Variants in NUP98 observed in about 807,000 individuals in gnomAD.
NUP98 encodes the protein nuclear pore complex protein Nup98-Nup96.
Under a neutral mutation model 191.9 loss-of-function variants are expected in NUP98, and 26 were observed. That is an observed-to-expected ratio of 0.14 (90% CI 0.10 to 0.19). The LOEUF (loss-of-function observed/expected upper bound fraction) is 0.19, where lower values mean the gene tolerates loss of function less well. Among genes scored for constraint, NUP98 ranks in the 10% least tolerant of loss-of-function variants. The pLI, the probability that NUP98 is intolerant of heterozygous loss-of-function variation, is 1.00. For synonymous variants in NUP98, 808 were observed against 778.4 expected, an observed-to-expected ratio of 1.04 and a Z score of -0.63; for missense variants, 1,941 against 2,178.8, an observed-to-expected ratio of 0.89 and a Z score of 2.17.
intron 12 of NUP98, among the ~76,000 whole-genome samples, chr11:3,738,147 C>T (rs2080145503): frequency 6.8e-6 from 1 of 146,370 alleles, no homozygotes; most frequent in Non-Finnish European, 1.5e-5. Context: ...CAAGAAAGTG[C>T]ATGAGCATGA....
At chr11:3,738,438 C>A (rs1218570025) in intron 12 of NUP98, among the ~76,000 whole-genome samples, 1 of 152,124 alleles carries the variant, frequency 6.6e-6, no homozygotes, top group Non-Finnish European at 1.5e-5. Flanking sequence ...TGATGAAACA[C>A]AAGAATCTGA....
At chr11:3,794,013 A>G (rs547903085) in intron 1 of NUP98, among the ~76,000 whole-genome samples, 1 of 152,302 alleles carries the variant, frequency 6.6e-6, no homozygotes, top group African/African-American at 2.4e-5. Context: ...TATTTTCACT[A>G]AAGTAGTAGT....
intron 4 of NUP98, among the ~76,000 whole-genome samples, chr11:3,776,889 C>A (rs566216101): frequency 1.3e-5 from 2 of 152,208 alleles, no homozygotes; most frequent in East Asian, 1.9e-4. Context: ...GTCCATAAAG[C>A]CCTAAGGTCA....
chr11:3,761,453 C>T (rs992706978), intron 9 of NUP98, among the ~76,000 whole-genome samples: 1 of 152,024 alleles, frequency 6.6e-6, no homozygotes, highest in Non-Finnish European at 1.5e-5. Flanking sequence ...AAAATCCCAC[C>T]TCTACTAAAA....
chr11:3,793,632 C>T lies in NUP98; in HGVS notation c.-29+3768G>A, dbSNP rs115137308. On this transcript the variant is annotated intron_variant, in intron 1 of 32. Coordinates refer to ENST00000324932, the MANE Select transcript of NUP98 (RefSeq NM_016320.5). ...ATTTTTCTTTCCTTACTAAAAAAAACTGCAAGTATTTCCCATTACACTGAA... is the reference window on the plus strand; with the variant it reads ...ATTTTTCTTTCCTTACTAAAAAAAATTGCAAGTATTTCCCATTACACTGAA... Among the ~76,000 whole-genome samples the T allele has an allele frequency of 4.0e-3, 611 of 151,808 alleles. 1 individual carries two copies. The highest frequency in any genetic ancestry group is 0.014 in the African/African-American group (585 of 41,426).
chr11:3,789,376 C>T (rs887663077), intron 1 of NUP98, among the ~76,000 whole-genome samples: 1 of 152,136 alleles, frequency 6.6e-6, no homozygotes, highest in African/African-American at 2.4e-5. Context: ...AAAACAAATC[C>T]CATCCCTGCA....
intron 13 of NUP98, among the ~76,000 whole-genome samples, chr11:3,732,660 A>G (rs1589831170): frequency 6.6e-6 from 1 of 152,348 alleles, no homozygotes; most frequent in Middle Eastern, 3.4e-3. Context: ...AGAAAACTAC[A>G]AGTTAGTGGA....
At chr11:3,776,486 CTTT>C (rs35086418) in intron 4 of NUP98, among the ~76,000 whole-genome samples, 5 of 133,234 alleles carry the variant, frequency 3.8e-5, no homozygotes, top group Admixed American at 7.6e-5. Context: ...ATAGAAATTT[CTTT>C]TTTTTTTTTT....
intron 1 of NUP98, among the ~76,000 whole-genome samples, chr11:3,787,257 G>T (rs1036014957): frequency 2.9e-4 from 44 of 152,172 alleles, no homozygotes; most frequent in African/African-American, 9.9e-4. Context: ...ATAGATCTTT[G>T]ATCAAGCCAT....
In NUP98 at chr11:3,677,290, CAA is replaced by C. The variant is rs368605738; in HGVS notation, c.5074-672_5074-671del. On this transcript the variant is annotated intron_variant, in intron 31 of 32. Coordinates refer to ENST00000324932, the MANE Select transcript of NUP98 (RefSeq NM_016320.5). ...CAAGGAGAGAGCTCAGCTTTCCAGG[CAA>C]AGAGAAGACAGCTAAAACCCCCAAA... Among the ~76,000 whole-genome samples, 394 of 151,378 alleles carry C rather than the reference CAA, an allele frequency of 2.6e-3. 2 individuals carry two copies. Among genetic ancestry groups the C allele is most frequent in the African/African-American group, 9.0e-3 (370 of 41,256 alleles).
At chr11:3,791,191 C>T (rs900604950) in intron 1 of NUP98, among the ~76,000 whole-genome samples, 8 of 151,946 alleles carry the variant, frequency 5.3e-5, no homozygotes, top group East Asian at 3.9e-4. Context: ...CACTGCGCCC[C>T]GCCCACCATT....
At chr11:3,758,826 C>G (rs1405678825) in intron 10 of NUP98, among the ~76,000 whole-genome samples, 2 of 152,022 alleles carry the variant, frequency 1.3e-5, no homozygotes, top group Non-Finnish European at 2.9e-5. Context: ...AGACAGACAC[C>G]AAGTATCTTA....
chr11:3,685,782 T>C (rs753077681), intron 29 of NUP98, among the ~76,000 whole-genome samples, 191 bp downstream of exon 29: 1 of 152,182 alleles, frequency 6.6e-6, no homozygotes, highest in Non-Finnish European at 1.5e-5. Context: ...GAAGTCTCAG[T>C]TTTAACTGGT....
rs149885647 is a variant in NUP98 at position 3,723,207 on chromosome 11, T to G, written c.2096A>C (p.Gln699Pro). ...EETSFHDESL[Q>P]DDREEIENNS... ...ATTTTCTATTTCTTCTCGGTCATCC[T>G]GAAGTGACTCATCATGAAAAGACGT... The change falls in exon 16 of 33, where the codon CAG becomes CCG. Residue 699 changes from glutamine (Q) to proline (P), a missense_variant. Physicochemically the swap from Gln to Pro is moderately conservative, Grantham distance 76. Transcript: ENST00000324932. The G allele has an allele frequency of 1.9e-5, 31 of 1,614,116 alleles. No homozygotes were observed. Among genetic ancestry groups the G allele is most frequent in the Non-Finnish European group, 2.5e-5 (29 of 1,180,038 alleles).
chr11:3,700,268 CAAAAAAAAAAAA>C (rs35824298), intron 24 of NUP98, among the ~76,000 whole-genome samples: 1 of 93,444 alleles, frequency 1.1e-5, no homozygotes, highest in Non-Finnish European at 2.2e-5. Flanking sequence ...GACTCCGTCT[CAAAAAAAAAAAA>C]AAAAAAAAAG....
intron 12 of NUP98, among the ~76,000 whole-genome samples, chr11:3,742,424 GGT>G (rs2080316444): frequency 1.3e-5 from 2 of 152,172 alleles, no homozygotes; most frequent in Admixed American, 6.5e-5. Flanking sequence ...GATGGGGCCA[GGT>G]GCGGTGGCTC....
intron 6 of NUP98, 29 bp from the exon 7 acceptor site, chr11:3,771,957 C>G: frequency 6.3e-7 from 1 of 1,583,526 alleles, no homozygotes; most frequent in South Asian, 1.1e-5. Flanking sequence ...TATTTCTAAT[C>G]TTAACATGCA....
At chr11:3,722,476 T>TAA (rs1554891773) in intron 16 of NUP98, among the ~76,000 whole-genome samples, 18 of 151,748 alleles carry the variant, frequency 1.2e-4, no homozygotes, top group African/African-American at 1.7e-4. Flanking sequence ...TATATATATA[T>TAA]AATGGCAATA....
Position 3,719,778 on chromosome 11 carries a change from T to C in NUP98, c.2261-228A>G, listed in dbSNP as rs975391129. 4.0e-5 allele frequency among the ~76,000 whole-genome samples: 6 copies of C among 151,846 alleles called. 1 individual carries two copies. The highest frequency in any genetic ancestry group is 3.2e-3 in the Middle Eastern group (1 of 312). On this transcript the variant is annotated intron_variant, in intron 17 of 32. Coordinates refer to ENST00000324932, the MANE Select transcript of NUP98 (RefSeq NM_016320.5). ...TTTTTCTTTTCTTTTCTTTTCTTTT[T>C]TTTTTTGGCAAGGTCTTGTTCTGTT...
Sources: allele counts gnomAD v4.1 joint callset (sites outside exome capture counted in the v4.1 genomes callset), GRCh38; gene constraint gnomAD v4.1.1; transcripts MANE v1.5; gene names NCBI Gene and HGNC (gene_info 2026-07-23, HGNC 2026-07-21).